The following IARS1 variants were observed in gnomAD, a reference collection of about 807,000 sequenced individuals.
The protein encoded by IARS1 is isoleucine--tRNA ligase, cytoplasmic.
Under a neutral mutation model 168.2 loss-of-function variants are expected in IARS1, and 124 were observed. That is an observed-to-expected ratio of 0.74 (90% CI 0.64 to 0.86). IARS1 has a LOEUF of 0.86. Among genes scored for constraint, IARS1 ranks in the 40% least tolerant of loss-of-function variants. IARS1 has a pLI of 0.00. For synonymous variants in IARS1, 532 were observed against 529.4 expected (o/e 1.00, Z -0.07); for missense variants, 1,452 against 1,515.8 (o/e 0.96, Z 0.70).
At chr9:92,260,545 C>T (rs1160388260) in intron 17 of IARS1, among the ~76,000 whole-genome samples, 2 of 151,930 alleles carry the variant, frequency 1.3e-5, no homozygotes. Context: ...ATCCCCACTA[C>T]TGGGGAGGCT....
intron 33 of IARS1, among the ~76,000 whole-genome samples, chr9:92,221,917 G>C (rs1363608201): frequency 6.6e-6 from 1 of 152,098 alleles, no homozygotes; most frequent in Admixed American, 6.5e-5. Context: ...AACAATTTTA[G>C]GGTCAGCAAA....
chr9:92,243,236 T>C lies in IARS1; in HGVS notation c.2980A>G (p.Ile994Val). ...CTAACCTTTTTGCGAAGTTTCTGTA[T>C]GCGATTGATGACTTCCCGAGCCATT... ...EGMAREVINR[I>V]QKLRKKCNLV... Residue 994 changes from isoleucine (I) to valine (V), a missense_variant, in exon 28 of 34, where the codon ATA becomes GTA. Coordinates refer to ENST00000443024, the MANE Select transcript of IARS1 (RefSeq NM_002161.6). The C allele has an allele frequency of 3.1e-6, 5 of 1,613,486 alleles. No homozygotes were observed. The highest frequency in any genetic ancestry group is 1.1e-5 in the South Asian group (1 of 91,070).
At chr9:92,254,758 C>A (rs973898377) in intron 20 of IARS1, among the ~76,000 whole-genome samples, 1 of 152,168 alleles carries the variant, frequency 6.6e-6, no homozygotes, top group African/African-American at 2.4e-5. Context: ...GCAGCCACTA[C>A]CCAGGCCACC....
chr9:92,241,326 G>T (rs1267580865), intron 29 of IARS1, among the ~76,000 whole-genome samples: 1 of 152,038 alleles, frequency 6.6e-6, no homozygotes, highest in East Asian at 1.9e-4. Context: ...TTAAGCAAGT[G>T]ACTGAGGTAT....
intron 21 of IARS1, among the ~76,000 whole-genome samples, chr9:92,253,019 T>G (rs1309379095): frequency 6.6e-6 from 1 of 152,104 alleles, no homozygotes; most frequent in Admixed American, 6.6e-5. Flanking sequence ...TCAATATTAA[T>G]GCCATATCTA....
chr9:92,241,952 GA>G (rs1828474100), intron 29 of IARS1, among the ~76,000 whole-genome samples: 1 of 152,140 alleles, frequency 6.6e-6, no homozygotes, highest in South Asian at 2.1e-4. Flanking sequence ...GAACTGTTGT[GA>G]AAACAGTTCC....
Position 92,245,136 on chromosome 9 carries a change from G to GT in IARS1, c.2792-66dup. The GT allele has an allele frequency of 4.9e-6, 6 of 1,218,984 alleles. No homozygotes were observed. In the South Asian group the frequency reaches 6.0e-5, roughly 12 times the overall value. The allele number at this position is 1,218,984 out of a possible 1,614,324, so 75.5% of individuals were successfully genotyped here. A position where few individuals can be genotyped will look rare whatever the true frequency, so the allele number is the denominator to read the frequency against. ...CTCTTCAAGCTGCCCCACTACCCGTGTATTATGCCCCTTCTTGATTAAAAT... is the reference window on the plus strand; with the variant it reads ...CTCTTCAAGCTGCCCCACTACCCGTGTTATTATGCCCCTTCTTGATTAAAAT... On this transcript the variant is annotated intron_variant, in intron 26 of 33. Transcript: ENST00000443024.
chr9:92,211,521 G>A (rs1321150476), intron 33 of IARS1, among the ~76,000 whole-genome samples: 1 of 152,140 alleles, frequency 6.6e-6, no homozygotes, highest in Non-Finnish European at 1.5e-5. Context: ...GCAGTGATGG[G>A]GGTCTTGTGT....
Position 92,247,344 on chromosome 9 carries a change from A to T in IARS1, c.2791+33T>A, listed in dbSNP as rs2133666071. ...AAAAAGTATCCCTCAGACTCAGGAC[A>T]TAAATGGTGCCCTTGTCTGTGTAGA... On this transcript the variant is annotated intron_variant, in intron 26 of 33. Coordinates refer to ENST00000443024, the MANE Select transcript of IARS1 (RefSeq NM_002161.6). The T allele has an allele frequency of 1.9e-6, 3 of 1,594,964 alleles. No homozygotes were observed. In the East Asian group the frequency reaches 6.7e-5, roughly 36 times the overall value.
chr9:92,251,202 G>C (rs1829968106), intron 22 of IARS1: 1 of 461,556 alleles, frequency 2.2e-6, no homozygotes, highest in African/African-American at 2.0e-5. Context: ...GAGGTGATGA[G>C]ATCAGGCATG....
At chr9:92,288,974 C>T (rs1034948914) in intron 2 of IARS1, among the ~76,000 whole-genome samples, 7 of 151,792 alleles carry the variant, frequency 4.6e-5, no homozygotes, top group Non-Finnish European at 7.4e-5. Context: ...TTTGAGAGGC[C>T]GAGGTGGGTG....
In IARS1 at chr9:92,223,509, T is replaced by G; in HGVS notation, c.3410-20A>C. The stretch of plus-strand genomic sequence containing the variant: ...GTATTTCTAAAAATAACAACAACAA[T>G]TCTTTCAGGGTTAACGAACAAATTC... On this transcript the variant is annotated intron_variant, in intron 31 of 33. Transcript: ENST00000443024. 1 of 1,602,402 alleles carries G rather than the reference T, an allele frequency of 6.2e-7. No homozygotes were observed. The highest frequency in any genetic ancestry group is 8.5e-7 in the Non-Finnish European group (1 of 1,172,150).
intron 21 of IARS1, 25 bp from the exon 22 acceptor site, chr9:92,251,910 A>T: frequency 6.8e-7 from 1 of 1,480,770 alleles, no homozygotes. Flanking sequence ...GGAAACATAA[A>T]CATTAAACTG....
intron 17 of IARS1, 68 bp from the exon 18 acceptor site, chr9:92,260,302 C>T: frequency 9.6e-7 from 1 of 1,039,762 alleles, no homozygotes; most frequent in Non-Finnish European, 1.5e-6. Flanking sequence ...TTTAAGGATA[C>T]AAATCATTTG....
intron 16 of IARS1, among the ~76,000 whole-genome samples, chr9:92,264,251 C>T (rs1479214964): frequency 6.6e-6 from 1 of 151,490 alleles, no homozygotes; most frequent in Non-Finnish European, 1.5e-5. Context: ...AGAAGAATTG[C>T]TTGAACCCAG....
intron 27 of IARS1, among the ~76,000 whole-genome samples, chr9:92,243,741 CT>C (rs1334216386): frequency 2.6e-5 from 4 of 152,210 alleles, no homozygotes; most frequent in African/African-American, 9.7e-5. Context: ...CTCCAAGTGA[CT>C]TTCCTATACC....
chr9:92,273,159 T>C (rs910414603), intron 10 of IARS1, among the ~76,000 whole-genome samples: 3 of 149,460 alleles, frequency 2.0e-5, no homozygotes, highest in Admixed American at 6.6e-5. Context: ...ACCCCTACAC[T>C]ACAATTCAAA....
At chr9:92,225,413 C>G (rs1402810968) in intron 31 of IARS1, among the ~76,000 whole-genome samples, 1 of 152,090 alleles carries the variant, frequency 6.6e-6, no homozygotes. Flanking sequence ...AACGGGTTAA[C>G]CTTATACCTC....
At position 92,256,586 on chromosome 9, in the gene IARS1, TG is replaced by T. The variant is rs1830754260; in HGVS notation, c.2137+93del. The T allele has an allele frequency of 2.5e-6, 3 of 1,218,950 alleles. No individual in the cohort carries two copies. The East Asian group carries it at 7.2e-5, about 29-fold the overall frequency. 75.5% of individuals were successfully genotyped at this position (1,218,950 alleles called of 1,614,324 possible). A position where few individuals can be genotyped will look rare whatever the true frequency, so the allele number is the denominator to read the frequency against. On this transcript the variant is annotated intron_variant, in intron 20 of 33. Transcript: ENST00000443024. ...AAAAGGAAACAATTATTTAATTTTC[TG>T]TATCTCTCAATATTTCCACTATTAA...
Sources: gnomAD v4.1 joint callset for allele counts (sites outside exome capture counted in the v4.1 genomes callset) on GRCh38, gnomAD v4.1.1 for gene constraint, MANE v1.5 for transcripts, NCBI Gene and HGNC (gene_info 2026-07-23, HGNC 2026-07-21) for gene names.